UNC13C: variants seen among roughly 807,000 people sequenced by gnomAD.
UNC13C encodes unc-13 homolog C, also known as protein unc-13 homolog C.
A neutral mutation model predicts 245.4 loss-of-function variants in UNC13C; 174 were observed. The observed-to-expected ratio is 0.71, with a 90% CI of 0.63 to 0.80. The LOEUF (loss-of-function observed/expected upper bound fraction) is 0.80. Among genes scored for constraint, UNC13C ranks in the 30% least tolerant of loss-of-function variants. The pLI is 0.00. For missense variants in UNC13C, 2,829 were observed against 2,602.9 expected (o/e 1.09, Z -1.89); for synonymous variants, 992 against 895.1 (o/e 1.11, Z -1.93).
intron 10 of UNC13C, among the ~76,000 whole-genome samples, chr15:54,275,252 C>T (rs1057073562): frequency 6.6e-6 from 1 of 152,052 alleles, no homozygotes; most frequent in Non-Finnish European, 1.5e-5. Context: ...GAACACTTTG[C>T]CCAACAAGAA....
intron 28 of UNC13C, among the ~76,000 whole-genome samples, chr15:54,554,893 C>T (rs907222130): frequency 9.2e-5 from 14 of 151,906 alleles, no homozygotes; most frequent in African/African-American, 3.1e-4. Context: ...TTCTAAAATA[C>T]TTAAAATGAT....
chr15:54,572,845 T>G (rs1167130949), intron 30 of UNC13C, among the ~76,000 whole-genome samples: 1 of 152,210 alleles, frequency 6.6e-6, no homozygotes, highest in African/African-American at 2.4e-5. Context: ...TTGTGATTCT[T>G]TAGAAATCTA....
At chr15:53,912,528 T>C in the UNC13C span, 1 of 152,206 alleles carries the variant, frequency 6.6e-6, no homozygotes, top group Non-Finnish European at 1.5e-5. Context: ...TGAATCTATA[T>C]TGGCATTGGC....
At chr15:54,180,033 C>G (rs2033745522) in intron 4 of UNC13C, among the ~76,000 whole-genome samples, 1 of 151,898 alleles carries the variant, frequency 6.6e-6, no homozygotes, top group South Asian at 2.1e-4. Flanking sequence ...ATTTTACTTT[C>G]AGGGGGTATA....
At chr15:54,375,761 C>G (rs1463239641) in intron 17 of UNC13C, among the ~76,000 whole-genome samples, 1 of 152,162 alleles carries the variant, frequency 6.6e-6, no homozygotes, top group East Asian at 1.9e-4. Flanking sequence ...CGTGAGGACC[C>G]TGAACTCAGA....
At chr15:54,345,788 G>A (rs1220275637) in intron 17 of UNC13C, among the ~76,000 whole-genome samples, 2 of 152,088 alleles carry the variant, frequency 1.3e-5, no homozygotes, top group African/African-American at 4.8e-5. Context: ...ATGAAGTCCA[G>A]ACTCTCCCAT....
chr15:54,366,653 A>G (rs2039372477), intron 17 of UNC13C, among the ~76,000 whole-genome samples: 1 of 152,162 alleles, frequency 6.6e-6, no homozygotes, highest in South Asian at 2.1e-4. Context: ...ATTAACAGTA[A>G]TTGAGAAAAT....
chr15:54,139,744 CTAGT>C (rs572428495), intron 2 of UNC13C, among the ~76,000 whole-genome samples: 13 of 152,000 alleles, frequency 8.6e-5, no homozygotes, highest in Non-Finnish European at 1.5e-4. Context: ...TGTCAATTAT[CTAGT>C]AAGTCTAAAT....
rs374691355 is a variant in UNC13C at position 54,013,784 on chromosome 15, G to A, written c.881G>A (p.Gly294Glu). ...AGTGAAATTGAGCAGTTGCGCACAGGGTTTGTCCAGTCTCGGAGGGAAACT... is the reference window on the plus strand; with the variant it reads ...AGTGAAATTGAGCAGTTGCGCACAGAGTTTGTCCAGTCTCGGAGGGAAACT... ...VQSEIEQLRT[G>E]FVQSRRETRD... Residue 294 changes from glycine (G) to glutamate (E), a missense_variant, in exon 2 of 33, where the codon GGG becomes GAG. By Grantham distance (98) the Gly-to-Glu change is moderately conservative. Transcript: ENST00000260323. 8.1e-6 allele frequency: 13 copies of A among 1,611,342 alleles called. No individual in the cohort carries two copies. The highest frequency in any genetic ancestry group is 1.1e-5 in the South Asian group (1 of 90,810).
At chr15:54,068,849 A>C (rs1898189798) in intron 2 of UNC13C, among the ~76,000 whole-genome samples, 1 of 152,178 alleles carries the variant, frequency 6.6e-6, no homozygotes, top group Non-Finnish European at 1.5e-5. Context: ...GGCAAACTAC[A>C]GGATTAGTGA....
At chr15:54,116,917 A>G (rs2141185889) in intron 2 of UNC13C, among the ~76,000 whole-genome samples, 1 of 152,234 alleles carries the variant, frequency 6.6e-6, no homozygotes, top group Non-Finnish European at 1.5e-5. Context: ...CCCTTTCTCC[A>G]TATCCTTGCC....
At chr15:54,312,489 AC>A (rs1379953552) in intron 13 of UNC13C, among the ~76,000 whole-genome samples, 1 of 151,826 alleles carries the variant, frequency 6.6e-6, no homozygotes, top group Non-Finnish European at 1.5e-5. Flanking sequence ...AATGTAAACA[AC>A]CAGTAAATTT....
chr15:54,243,506 T>C (rs1309539178), intron 7 of UNC13C, among the ~76,000 whole-genome samples: 2 of 152,198 alleles, frequency 1.3e-5, no homozygotes, highest in Non-Finnish European at 2.9e-5. Context: ...TACCCAGTAA[T>C]GGGATTGCTG....
At chr15:54,184,299 G>T (rs1386633672) in intron 4 of UNC13C, among the ~76,000 whole-genome samples, 1 of 151,710 alleles carries the variant, frequency 6.6e-6, no homozygotes, top group Non-Finnish European at 1.5e-5. Flanking sequence ...AAGTTTCAGG[G>T]TACGTGTGCA....
At chr15:54,602,692 C>A (rs1038886239) in intron 30 of UNC13C, among the ~76,000 whole-genome samples, 1 of 152,178 alleles carries the variant, frequency 6.6e-6, no homozygotes, top group East Asian at 1.9e-4. Context: ...TCAAAGAAAA[C>A]TTTGCCAGTC....
chr15:54,471,544 A>G (rs1892462271), intron 19 of UNC13C, among the ~76,000 whole-genome samples: 1 of 151,490 alleles, frequency 6.6e-6, no homozygotes, highest in South Asian at 2.1e-4. Context: ...TGCATGTTCT[A>G]CCTTCTCCTA....
intron 19 of UNC13C, among the ~76,000 whole-genome samples, chr15:54,419,408 A>G (rs7166020): frequency 6.6e-6 from 1 of 151,908 alleles, no homozygotes; most frequent in Non-Finnish European, 1.5e-5. Flanking sequence ...CTCTGATACT[A>G]TTAGAAGTTC....
the UNC13C span, among the ~76,000 whole-genome samples, chr15:53,957,760 C>T: frequency 4.6e-5 from 7 of 152,060 alleles, no homozygotes; most frequent in South Asian, 2.1e-4. Context: ...TTATTTTAAA[C>T]GTAGTTTAAG....
rs1456541676 is a variant in UNC13C, at chr15:54,322,051, A to T, written c.4381A>T (p.Ile1461Leu). Residue 1461 changes from isoleucine to leucine, a missense_variant, in exon 14 of 33, where the codon ATA becomes TTA. Transcript: ENST00000260323. ...TGCTCACACAACAGTTTCAACAAACATACAGGTTTCTGCCTCAGATCGATT... is the reference window on the plus strand; with the variant it reads ...TGCTCACACAACAGTTTCAACAAACTTACAGGTTTCTGCCTCAGATCGATT... ...FYAHTTVSTN[I>L]QVSASDRFAA... 2.5e-6 allele frequency: 4 copies of T among 1,590,312 alleles called. No homozygotes were observed. Among genetic ancestry groups the T allele is most frequent in the Non-Finnish European group, 3.4e-6 (4 of 1,167,336 alleles).
Sources: gnomAD v4.1 joint callset for allele counts (sites outside exome capture counted in the v4.1 genomes callset) on GRCh38, gnomAD v4.1.1 for gene constraint, MANE v1.5 for transcripts, NCBI Gene and HGNC (gene_info 2026-07-23, HGNC 2026-07-21) for gene names.